Variants in TRIM27 observed in about 807,000 individuals in gnomAD.
The protein encoded by TRIM27 is zinc finger protein RFP.
In TRIM27, 12 loss-of-function variants were observed where a neutral mutation model predicts 57.6. That is an observed-to-expected ratio of 0.21 (90% CI 0.13 to 0.34). The LOEUF (loss-of-function observed/expected upper bound fraction) is 0.34. Among genes scored for constraint, TRIM27 ranks in the 10% least tolerant of loss-of-function variants. The probability of loss-of-function intolerance (pLI) is 1.00; values close to 1 mark genes in which losing one functional copy is unlikely to be tolerated. For missense variants in TRIM27, 403 were observed against 656.8 expected (o/e 0.61, Z 4.22); for synonymous variants, 266 against 259.0 (o/e 1.03, Z -0.26).
chr6:28,906,179 G>A (rs1056744109), intron 7 of TRIM27: 2 of 150,104 alleles, frequency 1.3e-5, no homozygotes, highest in Non-Finnish European at 3.0e-5. Context: ...CACCAGCCTG[G>A]GCAACAGAGA....
chr6:28,915,344 C>T (rs370034678), intron 3 of TRIM27: 7 of 148,200 alleles, frequency 4.7e-5, no homozygotes, highest in Non-Finnish European at 1.0e-4. Flanking sequence ...CGCAGTAGCT[C>T]ACGTCTATTA....
Position 28,904,089 on chromosome 6 carries a change from G to A in TRIM27, c.1523C>T (p.Ser508Phe). 1 of 1,612,930 alleles carries A rather than the reference G, an allele frequency of 6.2e-7. No individual in the cohort carries two copies. The highest frequency in any genetic ancestry group is 8.5e-7 in the Non-Finnish European group (1 of 1,179,952). ...FSGHVGNHGH[S>F]METSP ...ACCTCCTCAAGGGGAGGTCTCCATG[G>A]AATGACCATGATTCCCAACATGGCC... The change falls in exon 8 of 8, where the codon TCC becomes TTC. Residue 508 changes from serine (S) to phenylalanine (F), a missense_variant. Physicochemically the swap from Ser to Phe is radical, Grantham distance 155. Coordinates refer to ENST00000377199, the MANE Select transcript of TRIM27 (RefSeq NM_006510.5). This position sits in a 1 kb window ranked among gnomAD's most constrained non-coding sequence, Gnocchi z 6.1.
chr6:28,907,416 G>A (rs1772846606), intron 6 of TRIM27, 154 bp from the exon 7 acceptor site: 3 of 753,946 alleles, frequency 4.0e-6, no homozygotes, highest in Non-Finnish European at 7.2e-6. Context: ...TTCATATGAT[G>A]TATGGCTCTA....
chr6:28,907,257 T>C lies in TRIM27; in HGVS notation c.925A>G (p.Arg309Gly). Residue 309 changes from arginine (R) to glycine (G), a missense_variant, in exon 7 of 8, where the codon AGA becomes GGA. Transcript: ENST00000377199. ...CTACCTGAGTATAACTGAGCCTCTC[T>C]TAATTCTGAAAGAATAAAAGAGCAA... ...QSDMEKIQEL[R>G]EAQLYSVDVT... The C allele has an allele frequency of 6.2e-7, 1 of 1,611,546 alleles. No homozygotes were observed. The highest frequency in any genetic ancestry group is 8.5e-7 in the Non-Finnish European group (1 of 1,179,558).
intron 2 of TRIM27, 106 bp from the exon 3 acceptor site, chr6:28,920,348 A>AGCTT: frequency 1.1e-6 from 1 of 926,016 alleles, no homozygotes; most frequent in Non-Finnish European, 1.6e-6. Context: ...ATGGATTAAA[A>AGCTT]CAAGCACAGT....
chr6:28,905,283 T>C (rs209123), intron 7 of TRIM27: 93,092 of 152,074 alleles, frequency 0.61, 30,494 homozygotes, highest in African/African-American at 0.85. Context: ...CCAAGTTTCA[T>C]AGAATTCAGA....
In TRIM27 at chr6:28,911,712, CA is replaced by C; in HGVS notation, c.753del (p.Ile251MetfsTer5). ...AAACTATACCTGCTCAATGTGTCCC[CA>C]ATGTCCTGCAAGAGAAAGGAAAAAA... The part of the protein sequence containing the change: ...QQPTRELLQD[I>X]GDTLSRAERI... On this transcript the variant is annotated frameshift_variant, in exon 4 of 8. Coordinates refer to ENST00000377199, the MANE Select transcript of TRIM27 (RefSeq NM_006510.5). LOFTEE classifies it high-confidence loss of function. 1 of 1,611,888 alleles carries C rather than the reference CA, an allele frequency of 6.2e-7. No individual in the cohort carries two copies. The highest frequency in any genetic ancestry group is 8.5e-7 in the Non-Finnish European group (1 of 1,179,312).
chr6:28,923,132 G>C, intron 1 of TRIM27, 81 bp downstream of exon 1: 1 of 1,414,212 alleles, frequency 7.1e-7, no homozygotes, highest in Non-Finnish European at 9.3e-7. Context: ...CCATTTTCTA[G>C]GCGGAAAAAA....
chr6:28,913,179 C>T (rs1316966816), intron 3 of TRIM27, among the ~76,000 whole-genome samples: 2 of 150,342 alleles, frequency 1.3e-5, no homozygotes, highest in Non-Finnish European at 1.5e-5. Context: ...CGCTTGAACC[C>T]GGGAGGCAGA....
At chr6:28,911,638 T>C in intron 4 of TRIM27, 58 bp downstream of exon 4, 1 of 1,559,414 alleles carries the variant, frequency 6.4e-7, no homozygotes, top group Non-Finnish European at 8.7e-7. Flanking sequence ...GATTTACAAA[T>C]GTGAAGGAGA....
intron 6 of TRIM27, chr6:28,907,789 A>G: frequency 2.6e-6 from 1 of 391,056 alleles, no homozygotes. Flanking sequence ...AAGGAAAGTC[A>G]TGCCTGAACT....
chr6:28,917,871 G>A (rs1261927015), intron 3 of TRIM27, among the ~76,000 whole-genome samples: 1 of 150,740 alleles, frequency 6.6e-6, no homozygotes, highest in Non-Finnish European at 1.5e-5. Flanking sequence ...TCATTGCCCA[G>A]GCTGGAATGC....
In TRIM27 at chr6:28,903,727, C is replaced by T; in HGVS notation, c.*343G>A. 3.1e-6 allele frequency: 1 copy of T among 323,550 alleles called. No homozygotes were observed. The highest frequency in any genetic ancestry group is 5.7e-6 in the Non-Finnish European group (1 of 175,780). 20.0% of individuals were successfully genotyped at this position (323,550 alleles called of 1,614,324 possible). A position where few individuals can be genotyped will look rare whatever the true frequency, so the allele number is the denominator to read the frequency against. On this transcript the variant is annotated 3_prime_UTR_variant, in exon 8 of 8. Coordinates refer to ENST00000377199, the MANE Select transcript of TRIM27 (RefSeq NM_006510.5). ...TTATGTGGGGCTGAACCAGAGGAAG[C>T]CAGGCTGAGCCAAGAAGCTGGAAGT...
rs1772532084 is a variant in TRIM27 at position 28,903,452 on chromosome 6, A to G, written c.*618T>C. On this transcript the variant is annotated 3_prime_UTR_variant, in exon 8 of 8. Coordinates refer to ENST00000377199, the MANE Select transcript of TRIM27 (RefSeq NM_006510.5). ...AGATACAAAGGCAGAGACATTGATT[A>G]GAACATTATCTCATAACAGAGGTGG... 4.3e-6 allele frequency: 1 copy of G among 233,448 alleles called. No homozygotes were observed. The highest frequency in any genetic ancestry group is 2.2e-5 in the African/African-American group (1 of 45,374). 14.5% of individuals were successfully genotyped at this position (233,448 alleles called of 1,614,324 possible).
chr6:28,903,545 A>C lies in TRIM27; in HGVS notation c.*525T>G. ...AAACACATACAGGCTTCTTTAATGG[A>C]GTTAATAAAACTATGGCACATTGGG... On this transcript the variant is annotated 3_prime_UTR_variant, in exon 8 of 8. Coordinates refer to ENST00000377199, the MANE Select transcript of TRIM27 (RefSeq NM_006510.5). 4.2e-6 allele frequency: 1 copy of C among 235,756 alleles called. No individual in the cohort carries two copies. The highest frequency in any genetic ancestry group is 8.3e-6 in the Non-Finnish European group (1 of 119,812). The allele number at this position is 235,756 out of a possible 1,614,324, so 14.6% of individuals were successfully genotyped here. A position where few individuals can be genotyped will look rare whatever the true frequency, so the allele number is the denominator to read the frequency against.
intron 7 of TRIM27, chr6:28,906,211 T>TG (rs1415341198): frequency 2.0e-5 from 3 of 151,252 alleles, no homozygotes; most frequent in Non-Finnish European, 4.4e-5. Context: ...AAATGAATAA[T>TG]AAAAAATTTA....
At chr6:28,907,464 A>AATCT (rs1244085452) in intron 6 of TRIM27, 1 of 712,626 alleles carries the variant, frequency 1.4e-6, no homozygotes, top group Admixed American at 2.0e-5. Flanking sequence ...AGGGATTGGG[A>AATCT]ATCTTAAGTA....
chr6:28,908,753 T>C, intron 6 of TRIM27, 55 bp downstream of exon 6: 17 of 1,565,296 alleles, frequency 1.1e-5, no homozygotes, highest in Non-Finnish European at 1.5e-5. Flanking sequence ...TCAGTGCAGA[T>C]GTTCTTTTTT....
intron 6 of TRIM27, chr6:28,908,431 C>T (rs1772937689): frequency 4.9e-6 from 1 of 205,350 alleles, no homozygotes; most frequent in South Asian, 1.0e-4. Flanking sequence ...GAGCTGGCAC[C>T]TGTGCCCACA....
Sources: gnomAD v4.1 joint callset for allele counts (sites outside exome capture counted in the v4.1 genomes callset) on GRCh38, gnomAD v4.1.1 for gene constraint, Gnocchi (gnomAD v3.1) non-coding constraint, MANE v1.5 for transcripts, NCBI Gene and HGNC (gene_info 2026-07-23, HGNC 2026-07-21) for gene names.